Variants in CELF2 observed in about 807,000 individuals in gnomAD.
CELF2 encodes CUGBP Elav-like family member 2, also known as CUG triplet repeat RNA-binding protein 2.
A neutral mutation model predicts 62.6 loss-of-function variants in CELF2; 8 were observed. That is an observed-to-expected ratio of 0.13 (90% CI 0.07 to 0.23). CELF2 has a LOEUF of 0.23. Ranked by LOEUF, CELF2 falls within the 10% of genes least tolerant of loss-of-function variation. CELF2 has a pLI of 1.00. For synonymous variants in CELF2, 258 were observed against 250.0 expected (o/e 1.03, Z -0.30); for missense variants, 333 against 671.0 (o/e 0.50, Z 5.56).
At chr10:10,859,916 A>G (rs1295193059) in intron 1 of CELF2, among the ~76,000 whole-genome samples, 1 of 152,062 alleles carries the variant, frequency 6.6e-6, no homozygotes, top group Non-Finnish European at 1.5e-5. Flanking sequence ...CTTCTTTTAC[A>G]TTTTTTAAAA....
intron 2 of CELF2, among the ~76,000 whole-genome samples, chr10:11,174,062 A>G (rs1390041562): frequency 1.3e-5 from 2 of 152,216 alleles, no homozygotes; most frequent in Non-Finnish European, 2.9e-5. Flanking sequence ...TAGGTATAAT[A>G]CTAAGGAAAT....
chr10:10,638,562 T>C, the CELF2 span, among the ~76,000 whole-genome samples: 1 of 152,164 alleles, frequency 6.6e-6, no homozygotes, highest in Non-Finnish European at 1.5e-5. Context: ...GAAACACCTA[T>C]GTAGAGACAA....
chr10:10,864,422 G>C (rs1209431920), intron 1 of CELF2, among the ~76,000 whole-genome samples: 1 of 152,084 alleles, frequency 6.6e-6, no homozygotes, highest in East Asian at 1.9e-4. Context: ...GTACTAATCA[G>C]CTCAGGCTGC....
intron 1 of CELF2, among the ~76,000 whole-genome samples, chr10:11,042,663 AC>A (rs1357453721): frequency 3.3e-5 from 5 of 152,040 alleles, no homozygotes; most frequent in African/African-American, 1.2e-4. Flanking sequence ...CAAAAAAGAA[AC>A]CCCGTACCCT....
the CELF2 span, among the ~76,000 whole-genome samples, chr10:10,671,402 C>T: frequency 1.3e-5 from 2 of 152,100 alleles, no homozygotes; most frequent in African/African-American, 4.8e-5. Flanking sequence ...CATTTGTGTG[C>T]AAGTTTCTGT....
the CELF2 span, among the ~76,000 whole-genome samples, chr10:10,768,745 T>C: frequency 6.6e-6 from 1 of 152,056 alleles, no homozygotes; most frequent in Non-Finnish European, 1.5e-5. Flanking sequence ...GGCTAATTTT[T>C]GTATTTTTTG....
At chr10:11,212,148 T>C (rs1238215759) in intron 2 of CELF2, among the ~76,000 whole-genome samples, 1 of 152,190 alleles carries the variant, frequency 6.6e-6, no homozygotes, top group Admixed American at 6.5e-5. Context: ...GCAACTGTAT[T>C]GCTAAACTTA....
At chr10:10,478,878 T>C in the CELF2 span, among the ~76,000 whole-genome samples, 3 of 152,186 alleles carry the variant, frequency 2.0e-5, no homozygotes, top group African/African-American at 4.8e-5. Flanking sequence ...TGAGCAATAA[T>C]AAGGTAAAAG....
chr10:10,964,954 C>T (rs1460453936), intron 2 of CELF2, among the ~76,000 whole-genome samples: 1 of 152,064 alleles, frequency 6.6e-6, no homozygotes, highest in Non-Finnish European at 1.5e-5. Context: ...TCTTAGCCCT[C>T]ACGGTGGTAA....
the CELF2 span, among the ~76,000 whole-genome samples, chr10:10,567,683 T>C: frequency 6.6e-6 from 1 of 152,110 alleles, no homozygotes; most frequent in South Asian, 2.1e-4. Flanking sequence ...TCTTGACCAG[T>C]TATTAGCAAC....
chr10:11,283,412 C>T (rs1241724195), intron 8 of CELF2, among the ~76,000 whole-genome samples: 1 of 152,180 alleles, frequency 6.6e-6, no homozygotes, highest in Admixed American at 6.5e-5. Context: ...GGGTCTAGCC[C>T]ATCATGGCCA....
chr10:11,187,362 T>A (rs1018110906), intron 2 of CELF2, among the ~76,000 whole-genome samples: 5 of 152,232 alleles, frequency 3.3e-5, no homozygotes, highest in Admixed American at 6.5e-5. Context: ...CTTTGACTCC[T>A]GTTAAATAAT....
chr10:10,675,750 C>A, the CELF2 span, among the ~76,000 whole-genome samples: 1 of 152,028 alleles, frequency 6.6e-6, no homozygotes, highest in South Asian at 2.1e-4. Flanking sequence ...TCCAATAAGC[C>A]CATTAAAGGC....
At chr10:10,673,744 C>T in the CELF2 span, among the ~76,000 whole-genome samples, 3 of 152,138 alleles carry the variant, frequency 2.0e-5, no homozygotes, top group African/African-American at 7.2e-5. Flanking sequence ...TTTTCATTTT[C>T]ATTTGGCTCA....
At position 10,993,882 on chromosome 10, in the gene CELF2, A is replaced by G. The variant is rs1352539172; in HGVS notation, c.89+73883A>G. Among the ~76,000 whole-genome samples the G allele has an allele frequency of 6.6e-6, 1 of 152,224 alleles. No homozygotes were observed. Among genetic ancestry groups the G allele is most frequent in the African/African-American group, 2.4e-5 (1 of 41,464 alleles). On this transcript the variant is annotated intron_variant, in intron 2 of 13. Transcript: ENST00000636488. This position sits in a 1 kb window ranked among gnomAD's most constrained non-coding sequence, Gnocchi z 5.3. ...TGTCATAGGTGTGGGGCCCCAATCC[A>G]GTAGGACTAGTATCCTTATCAGAAA...
At chr10:11,132,102 T>C (rs2059718053) in intron 1 of CELF2, among the ~76,000 whole-genome samples, 1 of 152,258 alleles carries the variant, frequency 6.6e-6, no homozygotes, top group South Asian at 2.1e-4. Context: ...GTCCTCAAGT[T>C]ATCCACTGGC....
At chr10:11,186,028 A>T (rs11528648) in intron 2 of CELF2, among the ~76,000 whole-genome samples, 21,362 of 152,208 alleles carry the variant, frequency 0.14, 2,120 homozygotes, top group African/African-American at 0.29. Flanking sequence ...TATAGGAATA[A>T]TTAGGTTCTA....
chr10:11,181,912 G>T lies in CELF2; in HGVS notation c.271+16230G>T, dbSNP rs542852434. ...TCTTCTTTCCTTTTCATGGCACGTTGACATGGAACACCCCGTTGCATTCCT... is the reference window on the plus strand; with the variant it reads ...TCTTCTTTCCTTTTCATGGCACGTTTACATGGAACACCCCGTTGCATTCCT... On this transcript the variant is annotated intron_variant, in intron 2 of 12. Transcript: ENST00000633077. Among the ~76,000 whole-genome samples, 214 of 152,298 alleles carry T rather than the reference G, an allele frequency of 1.4e-3. 3 individuals are homozygous for T. The highest frequency in any genetic ancestry group is 4.9e-3 in the African/African-American group (205 of 41,556).
intron 1 of CELF2, chr10:11,030,977 A>T (rs2060016298): frequency 6.6e-6 from 1 of 152,228 alleles, no homozygotes; most frequent in Admixed American, 6.5e-5. Context: ...TAAGGTGGAC[A>T]CTTATTCTTC....
Sources: gnomAD v4.1 joint callset for allele counts (sites outside exome capture counted in the v4.1 genomes callset) on GRCh38, gnomAD v4.1.1 for gene constraint, Gnocchi (gnomAD v3.1) non-coding constraint, MANE v1.5 for transcripts, NCBI Gene and HGNC (gene_info 2026-07-23, HGNC 2026-07-21) for gene names.